SLC24A2: variants seen among roughly 807,000 people sequenced by gnomAD.
SLC24A2 encodes sodium/potassium/calcium exchanger 2.
Under a neutral mutation model 62.0 loss-of-function variants are expected in SLC24A2, and 36 were observed. The ratio of observed to expected loss-of-function variants is 0.58; its 90% confidence interval spans 0.44 to 0.77. The LOEUF (loss-of-function observed/expected upper bound fraction) is 0.77. SLC24A2 is among the 30% of genes least tolerant of loss of function. The probability of loss-of-function intolerance (pLI) is 0.00; values close to 1 mark genes in which losing one functional copy is unlikely to be tolerated. For missense variants in SLC24A2, 846 were observed against 817.9 expected (o/e 1.03, Z -0.42); for synonymous variants, 358 against 294.0 (o/e 1.22, Z -2.23).
At chr9:19,568,521 G>A (rs7020198) in intron 7 of SLC24A2, among the ~76,000 whole-genome samples, 111,405 of 152,214 alleles carry the variant, frequency 0.73, 42,452 homozygotes, top group East Asian at 1. Flanking sequence ...AATGTGCCAA[G>A]AATGGTTCTA....
intron 2 of SLC24A2, among the ~76,000 whole-genome samples, chr9:19,641,777 G>A (rs1818501073): frequency 6.6e-6 from 1 of 152,128 alleles, no homozygotes; most frequent in Non-Finnish European, 1.5e-5. Flanking sequence ...TGGAAATTAT[G>A]TCTATTCCCA....
At chr9:19,631,353 TCC>T (rs1429247691) in intron 2 of SLC24A2, among the ~76,000 whole-genome samples, 12 of 152,280 alleles carry the variant, frequency 7.9e-5, no homozygotes, top group African/African-American at 2.9e-4. Context: ...ATCAGTCTCC[TCC>T]CAGGTATCTG....
chr9:19,996,901 T>C, the SLC24A2 span, among the ~76,000 whole-genome samples: 3 of 152,032 alleles, frequency 2.0e-5, no homozygotes, highest in African/African-American at 2.4e-5. Context: ...TTAAACTAAG[T>C]AGCAACATTA....
chr9:19,907,560 T>C, the SLC24A2 span, among the ~76,000 whole-genome samples: 3 of 152,304 alleles, frequency 2.0e-5, no homozygotes, highest in Admixed American at 6.5e-5. Flanking sequence ...GATGACATGA[T>C]TGTATATCTA....
At chr9:19,528,871 T>A (rs1833556977) in intron 8 of SLC24A2, among the ~76,000 whole-genome samples, 1 of 152,156 alleles carries the variant, frequency 6.6e-6, no homozygotes, top group South Asian at 2.1e-4. Context: ...CAAAATATAT[T>A]ATGTTCAATT....
the SLC24A2 span, among the ~76,000 whole-genome samples, chr9:19,862,811 A>G: frequency 6.6e-6 from 1 of 151,942 alleles, no homozygotes; most frequent in African/African-American, 2.4e-5. Context: ...GCCTCATGGT[A>G]ATTTACCTCA....
chr9:20,121,252 C>T, the SLC24A2 span, among the ~76,000 whole-genome samples: 7 of 151,300 alleles, frequency 4.6e-5, no homozygotes, highest in East Asian at 1.9e-4. Context: ...AATCCATGAA[C>T]TTTGTATAGC....
the SLC24A2 span, among the ~76,000 whole-genome samples, chr9:20,253,050 A>T: frequency 6.6e-6 from 1 of 152,230 alleles, no homozygotes; most frequent in African/African-American, 2.4e-5. Context: ...GAAACAAGGC[A>T]CCCACTTTTG....
the SLC24A2 span, among the ~76,000 whole-genome samples, chr9:20,268,664 T>C: frequency 6.6e-6 from 1 of 152,184 alleles, no homozygotes; most frequent in African/African-American, 2.4e-5. Context: ...AAATAAATTA[T>C]ATAGCCCAGT....
the SLC24A2 span, among the ~76,000 whole-genome samples, chr9:20,102,610 T>G: frequency 6.6e-6 from 1 of 151,860 alleles, no homozygotes; most frequent in Non-Finnish European, 1.5e-5. Flanking sequence ...ACCTGCACAT[T>G]CTGCACATGT....
chr9:19,667,593 T>C (rs754681475), intron 2 of SLC24A2, among the ~76,000 whole-genome samples: 10 of 152,170 alleles, frequency 6.6e-5, no homozygotes, highest in Admixed American at 4.6e-4. Context: ...CCATTCATTC[T>C]CTACTTCAGT....
chr9:20,222,028 G>C, the SLC24A2 span, among the ~76,000 whole-genome samples: 318 of 152,032 alleles, frequency 2.1e-3, 2 homozygotes, highest in African/African-American at 7.4e-3. Flanking sequence ...TACAACAAAA[G>C]CTCTAAACAA....
chr9:19,628,395 G>A (rs1375346908), intron 2 of SLC24A2, among the ~76,000 whole-genome samples: 1 of 152,136 alleles, frequency 6.6e-6, no homozygotes, highest in Non-Finnish European at 1.5e-5. Flanking sequence ...AATGGAGAAA[G>A]AGAGGCAAGA....
the SLC24A2 span, among the ~76,000 whole-genome samples, chr9:19,867,747 A>C: frequency 6.6e-6 from 1 of 152,130 alleles, no homozygotes; most frequent in Non-Finnish European, 1.5e-5. Flanking sequence ...GTCTCTACTA[A>C]AAATACAAAA....
chr9:19,736,615 G>A (rs548582381), intron 2 of SLC24A2, among the ~76,000 whole-genome samples: 1 of 152,220 alleles, frequency 6.6e-6, no homozygotes, highest in Admixed American at 6.5e-5. Context: ...GAAGTGGGGA[G>A]ATCACTTGAG....
chr9:19,717,395 T>C (rs1230387862), intron 2 of SLC24A2, among the ~76,000 whole-genome samples: 2 of 152,182 alleles, frequency 1.3e-5, no homozygotes, highest in African/African-American at 2.4e-5. Flanking sequence ...TGGAATGAAA[T>C]GGTTAGGTAA....
At chr9:19,804,182 T>C in the SLC24A2 span, among the ~76,000 whole-genome samples, 3 of 152,160 alleles carry the variant, frequency 2.0e-5, no homozygotes, top group African/African-American at 2.4e-5. Context: ...GGGATTCTGA[T>C]AGAAATTGTG....
At chr9:20,261,733 C>CTTTTTTTTTTT in the SLC24A2 span, among the ~76,000 whole-genome samples, 26 of 75,294 alleles carry the variant, frequency 3.5e-4, 1 homozygote, top group East Asian at 1.4e-3. Context: ...AACACCAAAT[C>CTTTTTTTTTTT]TTTTTTTTTT....
the SLC24A2 span, among the ~76,000 whole-genome samples, chr9:19,884,752 C>A: frequency 1.3e-5 from 2 of 152,118 alleles, no homozygotes; most frequent in African/African-American, 4.8e-5. Context: ...CAATAAATTA[C>A]ATGAGATGTT....
Sources: gnomAD v4.1 joint callset for allele counts (sites outside exome capture counted in the v4.1 genomes callset) on GRCh38, gnomAD v4.1.1 for gene constraint, MANE v1.5 for transcripts, NCBI Gene and HGNC (gene_info 2026-07-23, HGNC 2026-07-21) for gene names.